Variants in C2 observed in about 807,000 individuals in gnomAD.
C2 encodes C3/C5 convertase.
A neutral mutation model predicts 85.2 loss-of-function variants in C2; 64 were observed. The observed-to-expected ratio is 0.75, with a 90% CI of 0.61 to 0.92. The LOEUF (loss-of-function observed/expected upper bound fraction) is 0.92. Among genes scored for constraint, C2 ranks in the 40% least tolerant of loss-of-function variants. The probability of loss-of-function intolerance (pLI) is 0.00; values close to 1 mark genes in which losing one functional copy is unlikely to be tolerated. For missense variants in C2, 820 were observed against 971.6 expected, an observed-to-expected ratio of 0.84 and a Z score of 2.07; for synonymous variants, 311 against 370.8, an observed-to-expected ratio of 0.84 and a Z score of 1.85.
At chr6:31,908,664 A>G (rs1767890801) in intron 1 of C2, among the ~76,000 whole-genome samples, 1 of 151,710 alleles carries the variant, frequency 6.6e-6, no homozygotes, top group African/African-American at 2.4e-5. Context: ...AAAAAAAAAA[A>G]AGAAAAAAAG....
At chr6:31,937,724 C>T (rs1018132458) in intron 8 of C2, among the ~76,000 whole-genome samples, 1 of 150,462 alleles carries the variant, frequency 6.6e-6, no homozygotes, top group African/African-American at 2.4e-5. Context: ...TAAAATAGGG[C>T]CAGTGTGGTG....
chr6:31,928,728 C>G lies in C2; in HGVS notation c.257-4C>G. 1 of 1,614,208 alleles carries G rather than the reference C, an allele frequency of 6.2e-7. No homozygotes were observed. ...TATTCCCCACCCACTTCCTCTCTCT[C>G]CAGCTGTGCGCTGTCCAGCCCCTGT... On this transcript the variant is annotated splice_polypyrimidine_tract_variant and splice_region_variant and intron_variant, in intron 2 of 17. Transcript: ENST00000299367.
rs1302294233 is a variant in C2 at position 31,944,766 on chromosome 6, A to G, written c.1942A>G (p.Met648Val). 2 of 1,613,084 alleles carry G rather than the reference A, an allele frequency of 1.2e-6. No individual in the cohort carries two copies. Among genetic ancestry groups the G allele is most frequent in the East Asian group, 2.2e-5 (1 of 44,882 alleles). ...CGAGGTTGTCTCCCAAGAAAAAACC[A>G]TGTTCCCCAACTTGACAGATGTCAG... ...CAEVVSQEKT[M>V]FPNLTDVREV... Residue 648 changes from methionine (M) to valine (V), a missense_variant, in exon 16 of 18, where the codon ATG (methionine) becomes GTG (valine). Transcript: ENST00000299367. The surrounding 1 kb of genome is among the most constrained non-coding windows in gnomAD (Gnocchi z 5.1).
At position 31,927,935 on chromosome 6, in the gene C2, C is replaced by T. The variant is rs774919002; in HGVS notation, c.47-20C>T. The T allele has an allele frequency of 1.2e-6, 2 of 1,609,496 alleles. No homozygotes were observed. The highest frequency in any genetic ancestry group is 1.1e-5 in the South Asian group (1 of 91,000). Reference sequence around the variant, plus strand: ...CTTCCTTCTTTCTCCATTGCTGTCTCCTTGTTCCCACGGCTCTAGGTCTGG... The same window carrying T: ...CTTCCTTCTTTCTCCATTGCTGTCTTCTTGTTCCCACGGCTCTAGGTCTGG... On this transcript the variant is annotated intron_variant, in intron 1 of 17. Transcript: ENST00000299367. This position sits in a 1 kb window ranked among gnomAD's most constrained non-coding sequence, Gnocchi z 4.7.
At chr6:31,923,718 T>C (rs1159765423), upstream of C2, among the ~76,000 whole-genome samples, 1 of 151,824 alleles carries the variant, frequency 6.6e-6, no homozygotes, top group Non-Finnish European at 1.5e-5. Flanking sequence ...CTCGATCTCC[T>C]GACCTCGTGA....
At chr6:31,902,657 C>T (rs1054774158) in intron 1 of C2, among the ~76,000 whole-genome samples, 1 of 152,230 alleles carries the variant, frequency 6.6e-6, no homozygotes, top group Non-Finnish European at 1.5e-5. Context: ...CCGCCTCAGC[C>T]CTTCAGGCCT....
At chr6:31,913,030 C>CA (rs34465217) in intron 1 of C2, among the ~76,000 whole-genome samples, 19,411 of 72,090 alleles carry the variant, frequency 0.27, 1,646 homozygotes, top group South Asian at 0.43. Context: ...CCTGTTTCCA[C>CA]AAAAAAAAAA....
upstream of C2, among the ~76,000 whole-genome samples, chr6:31,924,453 C>T (rs1286635210): frequency 6.6e-6 from 1 of 152,148 alleles, no homozygotes; most frequent in East Asian, 1.9e-4. Context: ...GTCCACCATT[C>T]TGTCCACATT....
At chr6:31,911,096 C>T (rs562579116) in intron 1 of C2, among the ~76,000 whole-genome samples, 1 of 152,194 alleles carries the variant, frequency 6.6e-6, no homozygotes, top group African/African-American at 2.4e-5. Context: ...GTCAGGAGTT[C>T]GAGACCAGCC....
chr6:31,943,124 T>C lies in C2; in HGVS notation c.1360+25T>C, dbSNP rs1380151092. On this transcript the variant is annotated intron_variant, in intron 10 of 17. Transcript: ENST00000299367. This position sits in a 1 kb window ranked among gnomAD's most constrained non-coding sequence, Gnocchi z 6.4. The stretch of plus-strand genomic sequence containing the variant: ...GGTGAGTGAGCTTTGCCCTCCTTGG[T>C]GTGGGGAGGATGGTGAGGAGCCCGC... 6.2e-7 allele frequency: 1 copy of C among 1,612,808 alleles called. No homozygotes were observed. The highest frequency in any genetic ancestry group is 2.2e-5 in the East Asian group (1 of 44,872).
In C2 at chr6:31,928,914, G is replaced by A; in HGVS notation, c.439G>A (p.Gly147Arg). ...WDGETAVCDNGAGHCPNPGIS... is the reference protein window; with the variant it reads ...WDGETAVCDNRAGHCPNPGIS... ...TGGAGAAACAGCTGTGTGTGATAAT[G>A]GGGGTGAGTTCTCTGGCTGATGGGC... The change falls in exon 3 of 18, where the codon GGG becomes AGG. Residue 147 changes from glycine (G) to arginine (R), a missense_variant. Gly to Arg is a moderately radical substitution (Grantham distance 125, BLOSUM62 -2). Coordinates refer to ENST00000299367, the MANE Select transcript of C2 (RefSeq NM_000063.6). 1 of 1,611,520 alleles carries A rather than the reference G, an allele frequency of 6.2e-7. No homozygotes were observed. The highest frequency in any genetic ancestry group is 1.7e-5 in the Admixed American group (1 of 59,928).
upstream of C2, among the ~76,000 whole-genome samples, chr6:31,923,460 C>T (rs910171498): frequency 6.6e-6 from 1 of 152,116 alleles, no homozygotes; most frequent in South Asian, 2.1e-4. Context: ...GCCTTGTCTG[C>T]TTACCCTGAG....
At chr6:31,910,789 G>A (rs1768041274) in intron 1 of C2, among the ~76,000 whole-genome samples, 1 of 151,014 alleles carries the variant, frequency 6.6e-6, no homozygotes, top group Admixed American at 6.6e-5. Context: ...AGACCAGCCT[G>A]GCCAACATGA....
chr6:31,936,387 G>A, intron 7 of C2: 1 of 393,928 alleles, frequency 2.5e-6, no homozygotes, highest in South Asian at 2.4e-5. Context: ...CATGTAAAGT[G>A]CCTGGTTGGC....
upstream of C2, among the ~76,000 whole-genome samples, chr6:31,898,500 G>A (rs1331389019): frequency 6.6e-6 from 1 of 152,130 alleles, no homozygotes; most frequent in African/African-American, 2.4e-5. Flanking sequence ...AGATCTGTAT[G>A]ATTTCACACG....
intron 9 of C2, among the ~76,000 whole-genome samples, chr6:31,940,305 TATC>T (rs138543267): frequency 6.6e-6 from 1 of 151,938 alleles, no homozygotes; most frequent in African/African-American, 2.4e-5. Context: ...CCGTCGTCGT[TATC>T]ATCATCATCA....
intron 9 of C2, among the ~76,000 whole-genome samples, chr6:31,942,678 TG>T (rs1469571951): frequency 6.6e-6 from 1 of 151,962 alleles, no homozygotes; most frequent in Non-Finnish European, 1.5e-5. Context: ...TGTGGAAGTC[TG>T]GGGGGGAGGA....
upstream of C2, chr6:31,900,390 C>T: frequency 1.9e-6 from 3 of 1,544,828 alleles, no homozygotes; most frequent in Non-Finnish European, 2.6e-6. The surrounding 1 kb of genome is among the most constrained non-coding windows in gnomAD (Gnocchi z 9.7). Flanking sequence ...CCCCCCGCCC[C>T]CCGGGCAGCC....
intron 1 of C2, among the ~76,000 whole-genome samples, chr6:31,911,868 G>A (rs1402971677): frequency 6.7e-6 from 1 of 150,208 alleles, no homozygotes; most frequent in East Asian, 2.0e-4. Flanking sequence ...GACCTCAGGT[G>A]ATTTGCCCGC....
Sources: gnomAD v4.1 joint callset for allele counts (sites outside exome capture counted in the v4.1 genomes callset) on GRCh38, gnomAD v4.1.1 for gene constraint, Gnocchi (gnomAD v3.1) non-coding constraint, MANE v1.5 for transcripts, NCBI Gene and HGNC (gene_info 2026-07-23, HGNC 2026-07-21) for gene names.